Variants in SLC39A11 observed in about 807,000 individuals in gnomAD.
SLC39A11 encodes zinc transporter ZIP11.
SLC39A11 carries 33 observed loss-of-function variants against 36.1 expected under a neutral mutation model. The observed-to-expected ratio is 0.91, with a 90% CI of 0.69 to 1.22. The LOEUF is 1.22. SLC39A11 is among the 50% of genes most tolerant of loss of function. SLC39A11 has a pLI of 0.00. For synonymous variants in SLC39A11, 166 were observed against 170.3 expected (o/e 0.97, Z 0.20); for missense variants, 432 against 430.3 (o/e 1.00, Z -0.03).
intron 5 of SLC39A11, among the ~76,000 whole-genome samples, chr17:72,852,996 T>C (rs2146067540): frequency 7.0e-6 from 1 of 143,424 alleles, no homozygotes; most frequent in South Asian, 2.3e-4. Flanking sequence ...AAATCTCTTC[T>C]CTTGCAGACT....
chr17:72,707,122 G>T (rs577633514), intron 7 of SLC39A11, among the ~76,000 whole-genome samples: 9 of 152,144 alleles, frequency 5.9e-5, no homozygotes, highest in Admixed American at 5.9e-4. Flanking sequence ...TTGCTAGGCC[G>T]GGCATCATGG....
intron 6 of SLC39A11, among the ~76,000 whole-genome samples, chr17:72,740,188 G>A (rs557011460): frequency 6.9e-6 from 1 of 145,756 alleles, no homozygotes; most frequent in Non-Finnish European, 1.5e-5. Flanking sequence ...TCAGCCTCCC[G>A]AGTGGCTGGG....
intron 4 of SLC39A11, among the ~76,000 whole-genome samples, chr17:73,020,197 C>T (rs933711411): frequency 1.3e-5 from 2 of 152,092 alleles, no homozygotes; most frequent in African/African-American, 2.4e-5. Context: ...TGTGTCCCCT[C>T]GAAAAAAATT....
chr17:72,859,018 A>G (rs539387455), intron 5 of SLC39A11, among the ~76,000 whole-genome samples: 1 of 152,316 alleles, frequency 6.6e-6, no homozygotes, highest in African/African-American at 2.4e-5. Flanking sequence ...TTAGGCCAGG[A>G]CTTCCATTAC....
intron 5 of SLC39A11, among the ~76,000 whole-genome samples, chr17:72,945,754 TGG>T (rs2085393562): frequency 6.6e-6 from 1 of 152,178 alleles, no homozygotes; most frequent in Non-Finnish European, 1.5e-5. Context: ...CACTTAACTC[TGG>T]GTTGGCCAAG....
chr17:72,670,200 CACACACACACACATAT>C (rs1459090290), intron 7 of SLC39A11, among the ~76,000 whole-genome samples: 5 of 84,152 alleles, frequency 5.9e-5, no homozygotes, highest in Admixed American at 3.5e-4. Flanking sequence ...CACACACACA[CACACACACACACATAT>C]ATATATATGC....
At position 72,882,375 on chromosome 17, in the gene SLC39A11, A is replaced by G. The variant is rs533009947; in HGVS notation, c.431-32571T>C. On this transcript the variant is annotated intron_variant, in intron 5 of 9. Transcript: ENST00000255559. ...TTCCTATATCTAAAAAAAAAAAAAAAAAAAATGCTCTTTCAACTTTCTTTA... is the reference window on the plus strand; with the variant it reads ...TTCCTATATCTAAAAAAAAAAAAAAGAAAAATGCTCTTTCAACTTTCTTTA... Among the ~76,000 whole-genome samples, 637 of 152,114 alleles carry G rather than the reference A, an allele frequency of 4.2e-3. 7 individuals are homozygous for G. The highest frequency in any genetic ancestry group is 0.015 in the African/African-American group (608 of 41,494).
At position 72,900,989 on chromosome 17, in the gene SLC39A11, A is replaced by AC. The variant is rs369932121; in HGVS notation, c.430+46762_430+46763insG. Among the ~76,000 whole-genome samples the AC allele has an allele frequency of 5.3e-3, 453 of 85,776 alleles. 1 individual carries two copies. The highest frequency in any genetic ancestry group is 0.013 in the East Asian group (22 of 1,634). 56.3% of individuals were successfully genotyped at this position (85,776 alleles called of 152,430 possible). A position where few individuals can be genotyped will look rare whatever the true frequency, so the allele number is the denominator to read the frequency against. On this transcript the variant is annotated intron_variant, in intron 5 of 9. Transcript: ENST00000255559. ...ACAAACAAACAAACAACAAAAAAAA[A>AC]ACACGAAAAAAAAACACGATGCTGC...
intron 7 of SLC39A11, among the ~76,000 whole-genome samples, chr17:72,673,951 C>T (rs945906834): frequency 6.6e-6 from 1 of 152,044 alleles, no homozygotes; most frequent in East Asian, 1.9e-4. Flanking sequence ...GCCTGTAATC[C>T]CAGCTACTTG....
chr17:72,891,594 TG>T (rs2081747012), intron 5 of SLC39A11, among the ~76,000 whole-genome samples: 1 of 152,068 alleles, frequency 6.6e-6, no homozygotes, highest in Admixed American at 6.5e-5. Flanking sequence ...ATGCCTTTTT[TG>T]AACATCCTAT....
chr17:73,014,764 A>C (rs551760083), intron 4 of SLC39A11, among the ~76,000 whole-genome samples: 7 of 152,334 alleles, frequency 4.6e-5, no homozygotes, highest in Non-Finnish European at 8.8e-5. Flanking sequence ...TCCCAGCGTC[A>C]TCTGACCCTC....
rs147418741 is a variant in SLC39A11 at position 72,908,263 on chromosome 17, G to A, written c.430+39489C>T. On this transcript the variant is annotated intron_variant, in intron 5 of 9. Transcript: ENST00000255559. The stretch of plus-strand genomic sequence containing the variant: ...AATCCACAGGTGTGAATGGGTTGAG[G>A]CTGGGGGCCTCCACTTTTTCTCAGA... 4.9e-3 allele frequency among the ~76,000 whole-genome samples: 741 copies of A among 152,324 alleles called. 7 individuals are homozygous for A. Among genetic ancestry groups the A allele is most frequent in the African/African-American group, 0.017 (701 of 41,562 alleles).
intron 3 of SLC39A11, among the ~76,000 whole-genome samples, chr17:73,050,707 C>T (rs748227351): frequency 1.3e-5 from 2 of 152,062 alleles, no homozygotes; most frequent in Admixed American, 6.5e-5. Flanking sequence ...TCAAGTGATC[C>T]GCCCATCTCG....
At chr17:72,687,944 G>A (rs939080264) in intron 7 of SLC39A11, among the ~76,000 whole-genome samples, 3 of 152,132 alleles carry the variant, frequency 2.0e-5, no homozygotes, top group East Asian at 1.9e-4. Context: ...TTTGAACCTC[G>A]GAGTGCCCCA....
intron 4 of SLC39A11, among the ~76,000 whole-genome samples, chr17:73,021,410 G>A (rs142186321): frequency 1.3e-3 from 192 of 151,864 alleles, no homozygotes; most frequent in African/African-American, 4.6e-3. Flanking sequence ...TGCAATCTCG[G>A]CTCACTACAA....
At chr17:72,716,088 C>T (rs974034569) in intron 7 of SLC39A11, among the ~76,000 whole-genome samples, 2 of 151,958 alleles carry the variant, frequency 1.3e-5, no homozygotes, top group Non-Finnish European at 2.9e-5. Context: ...TCTCCTCGCA[C>T]CCTCCCTGAC....
Position 72,670,158 on chromosome 17 carries a change from TATACACACACACAC to T in SLC39A11, c.672-20904_672-20891del, listed in dbSNP as rs1479395820. On this transcript the variant is annotated intron_variant, in intron 7 of 9. Coordinates refer to ENST00000255559, the MANE Select transcript of SLC39A11 (RefSeq NM_139177.4). Reference sequence around the variant, plus strand: ...TACGTATACACACACACACATTTTATATACACACACACACACACACACACACACACACACACACA... The same window carrying T: ...TACGTATACACACACACACATTTTATACACACACACACACACACACACACA... Among the ~76,000 whole-genome samples the T allele has an allele frequency of 8.3e-3, 1,052 of 126,368 alleles. 5 individuals carry two copies. Among genetic ancestry groups the T allele is most frequent in the Middle Eastern group, 0.016 (4 of 254 alleles). 82.9% of individuals were successfully genotyped at this position (126,368 alleles called of 152,430 possible).
chr17:72,723,084 G>C (rs1000375845), intron 7 of SLC39A11, among the ~76,000 whole-genome samples: 6 of 152,162 alleles, frequency 3.9e-5, no homozygotes, highest in Admixed American at 3.9e-4. Context: ...CGTCTTCATT[G>C]TCCAACAAAG....
chr17:72,876,062 A>G (rs2146460544), intron 5 of SLC39A11, among the ~76,000 whole-genome samples: 1 of 152,304 alleles, frequency 6.6e-6, no homozygotes, highest in African/African-American at 2.4e-5. Context: ...AACTGCCCTG[A>G]GCTGCTACTC....
Sources: gnomAD v4.1 joint callset for allele counts (sites outside exome capture counted in the v4.1 genomes callset) on GRCh38, gnomAD v4.1.1 for gene constraint, MANE v1.5 for transcripts, NCBI Gene and HGNC (gene_info 2026-07-23, HGNC 2026-07-21) for gene names.